The following KIAA1328 variants were observed in gnomAD, a reference collection of about 807,000 sequenced individuals.
KIAA1328 encodes the protein KIAA1328.
KIAA1328 carries 52 observed loss-of-function variants against 68.1 expected under a neutral mutation model. That is an observed-to-expected ratio of 0.76 (90% CI 0.61 to 0.96). The LOEUF is 0.96. Ranked by LOEUF, KIAA1328 falls within the 40% of genes least tolerant of loss-of-function variation. KIAA1328 has a pLI of 0.00. For synonymous variants in KIAA1328, 232 were observed against 239.4 expected (o/e 0.97, Z 0.28); for missense variants, 641 against 677.6 (o/e 0.95, Z 0.60).
chr18:36,926,837 C>A (rs954739300), intron 5 of KIAA1328, among the ~76,000 whole-genome samples: 1 of 152,108 alleles, frequency 6.6e-6, no homozygotes, highest in East Asian at 1.9e-4. Context: ...GTGTAATTGG[C>A]GCATGGTTCT....
At chr18:37,034,448 C>T (rs1316829847) in intron 6 of KIAA1328, among the ~76,000 whole-genome samples, 1 of 152,140 alleles carries the variant, frequency 6.6e-6, no homozygotes, top group African/African-American at 2.4e-5. Flanking sequence ...ATAAGAACTA[C>T]AGAAACATTT....
At chr18:37,154,156 T>A (rs2154210467) in intron 7 of KIAA1328, among the ~76,000 whole-genome samples, 1 of 152,278 alleles carries the variant, frequency 6.6e-6, no homozygotes, top group African/African-American at 2.4e-5. Context: ...CCTATAGAAC[T>A]TTTTTAAAAG....
Position 37,067,313 on chromosome 18 carries a change from T to A in KIAA1328, c.1000T>A (p.Ser334Thr), listed in dbSNP as rs2056375177. ...TPQHPKTHPE[S>T]CSYCRLSWAS... ...TCAACATCCTAAGACACATCCAGAATCATGCAGTTATTGTCGGCTTTCTTG... is the reference window on the plus strand; with the variant it reads ...TCAACATCCTAAGACACATCCAGAAACATGCAGTTATTGTCGGCTTTCTTG... The change falls in exon 7 of 10, where the codon TCA (serine) becomes ACA (threonine). Residue 334 changes from serine (S) to threonine (T), a missense_variant. By Grantham distance (58) the Ser-to-Thr change is moderately conservative (BLOSUM62 1). Coordinates refer to ENST00000280020, the MANE Select transcript of KIAA1328 (RefSeq NM_020776.3). The A allele has an allele frequency of 6.2e-7, 1 of 1,613,856 alleles. No homozygotes were observed. The highest frequency in any genetic ancestry group is 8.5e-7 in the Non-Finnish European group (1 of 1,179,882).
intron 7 of KIAA1328, among the ~76,000 whole-genome samples, chr18:37,112,139 T>G (rs988772607): frequency 5.3e-5 from 8 of 152,172 alleles, no homozygotes; most frequent in Non-Finnish European, 1.0e-4. Context: ...TCTGCAGACT[T>G]AAACGTCTCT....
intron 9 of KIAA1328, among the ~76,000 whole-genome samples, chr18:37,199,228 T>C (rs1327034144): frequency 1.3e-5 from 2 of 152,208 alleles, no homozygotes; most frequent in Non-Finnish European, 2.9e-5. Flanking sequence ...TTAGCTATTT[T>C]TCCTAATCCT....
At chr18:37,054,017 AAAG>A (rs1445997629) in intron 6 of KIAA1328, among the ~76,000 whole-genome samples, 1 of 152,184 alleles carries the variant, frequency 6.6e-6, no homozygotes, top group African/African-American at 2.4e-5. Flanking sequence ...ACACTTCACA[AAAG>A]AAGATATGTA....
intron 6 of KIAA1328, among the ~76,000 whole-genome samples, chr18:36,990,324 CATATT>C (rs1304384121): frequency 5.9e-5 from 9 of 151,942 alleles, no homozygotes; most frequent in African/African-American, 2.2e-4. Context: ...AGTGTATGGA[CATATT>C]ATATTTTATT....
chr18:36,861,042 A>T (rs2047548796), intron 4 of KIAA1328, among the ~76,000 whole-genome samples: 1 of 152,148 alleles, frequency 6.6e-6, no homozygotes, highest in Non-Finnish European at 1.5e-5. Context: ...TACAGGGTTT[A>T]TTCAGATTTG....
At chr18:36,845,360 G>A (rs999163434) in intron 4 of KIAA1328, among the ~76,000 whole-genome samples, 2 of 151,610 alleles carry the variant, frequency 1.3e-5, no homozygotes, top group East Asian at 3.8e-4. Context: ...TTCTTGTGAG[G>A]CTATTACTAC....
chr18:36,869,797 A>G (rs1365446379), intron 4 of KIAA1328, among the ~76,000 whole-genome samples: 1 of 152,202 alleles, frequency 6.6e-6, no homozygotes, highest in Non-Finnish European at 1.5e-5. Flanking sequence ...CAAAATTGGA[A>G]CTGTGGCTTG....
intron 6 of KIAA1328, among the ~76,000 whole-genome samples, chr18:37,018,867 G>A (rs2054241661): frequency 6.6e-6 from 1 of 150,894 alleles, no homozygotes; most frequent in Non-Finnish European, 1.5e-5. Context: ...TTTTAACCTT[G>A]TCTTGAATCT....
chr18:37,226,648 T>C (rs2060640096), downstream of KIAA1328, among the ~76,000 whole-genome samples: 1 of 152,166 alleles, frequency 6.6e-6, no homozygotes, highest in Non-Finnish European at 1.5e-5. Flanking sequence ...CAAATAATAC[T>C]GTATCATATG....
chr18:37,097,372 T>C (rs1162614911), intron 7 of KIAA1328, among the ~76,000 whole-genome samples: 2 of 152,206 alleles, frequency 1.3e-5, no homozygotes, highest in African/African-American at 2.4e-5. Flanking sequence ...TTGTCAAAGA[T>C]CAGATAGTTG....
At chr18:37,094,360 GA>G (rs113293098) in intron 7 of KIAA1328, among the ~76,000 whole-genome samples, 54 of 148,606 alleles carry the variant, frequency 3.6e-4, no homozygotes, top group East Asian at 7.9e-4. Context: ...GTGCTGATGG[GA>G]AAAAAAAAAC....
intron 7 of KIAA1328, among the ~76,000 whole-genome samples, chr18:37,069,662 G>C (rs1310071002): frequency 6.6e-6 from 1 of 152,062 alleles, no homozygotes; most frequent in Non-Finnish European, 1.5e-5. Flanking sequence ...TATTTTTTGA[G>C]ACTTTTTAAA....
chr18:37,055,252 TA>T (rs952940648), intron 6 of KIAA1328, among the ~76,000 whole-genome samples: 14 of 152,340 alleles, frequency 9.2e-5, no homozygotes, highest in African/African-American at 3.4e-4. Context: ...AGTTATTGAA[TA>T]ATTTAAAATT....
rs1049211444 is a variant in KIAA1328, at chr18:37,222,668, ACT to A, written c.*447_*448del. The A allele has an allele frequency of 2.0e-6, 2 of 1,014,200 alleles. No homozygotes were observed. Among genetic ancestry groups the A allele is most frequent in the African/African-American group, 3.5e-5 (2 of 57,632 alleles). The allele number at this position is 1,014,200 out of a possible 1,614,324, so 62.8% of individuals were successfully genotyped here. ...AACATAAGCAGTTTCAGAAAGGCAG[ACT>A]CTCTCATCTTTCTCATCCTGTTCTC... is the stretch of plus-strand genomic sequence containing the variant. On this transcript the variant is annotated 3_prime_UTR_variant, in exon 10 of 10. Transcript: ENST00000280020.
intron 7 of KIAA1328, among the ~76,000 whole-genome samples, chr18:37,118,946 G>A (rs1335373961): frequency 6.6e-6 from 1 of 152,118 alleles, no homozygotes; most frequent in African/African-American, 2.4e-5. Flanking sequence ...GCACTGTTGG[G>A]TCTTCAGAAA....
In KIAA1328 at chr18:36,843,290, T is replaced by C. The variant is rs538060173; in HGVS notation, c.238-918T>C. ...TTCTTTTCTCCATTTTTTTCCCTAC[T>C]CTCTTTCCCACCTTCGGCTATTACT... On this transcript the variant is annotated intron_variant, in intron 3 of 9. Transcript: ENST00000280020. Among the ~76,000 whole-genome samples, 13 of 152,272 alleles carry C rather than the reference T, an allele frequency of 8.5e-5. No homozygotes were observed. In the South Asian group the frequency reaches 2.7e-3, roughly 32 times the overall value.
Sources: gnomAD v4.1 joint callset for allele counts (sites outside exome capture counted in the v4.1 genomes callset) on GRCh38, gnomAD v4.1.1 for gene constraint, MANE v1.5 for transcripts, NCBI Gene and HGNC (gene_info 2026-07-23, HGNC 2026-07-21) for gene names.